Variants in KXD1 observed in about 807,000 individuals in gnomAD.
KXD1 encodes the protein KxDL motif containing 1, also known as kxDL motif-containing protein 1.
A neutral mutation model predicts 12.1 loss-of-function variants in KXD1; 5 were observed. That is an observed-to-expected ratio of 0.41 (90% CI 0.22 to 0.87). The LOEUF (loss-of-function observed/expected upper bound fraction) is 0.87, where lower values mean the gene tolerates loss of function less well. Among genes scored for constraint, KXD1 ranks in the 40% least tolerant of loss-of-function variants. The probability of loss-of-function intolerance (pLI) is 0.31; values close to 1 mark genes in which losing one functional copy is unlikely to be tolerated. For missense variants in KXD1, 193 were observed against 244.9 expected (o/e 0.79, Z 1.41); for synonymous variants, 98 against 100.5 (o/e 0.98, Z 0.15).
intron 2 of KXD1, 64 bp from the exon 3 acceptor site, chr19:18,564,805 T>C: frequency 6.3e-7 from 1 of 1,585,292 alleles, no homozygotes; most frequent in South Asian, 1.1e-5. Context: ...AACAGTCTTC[T>C]GGGCCAGGTT....
intron 1 of KXD1, chr19:18,560,520 C>G (rs1234141683): frequency 6.6e-6 from 1 of 152,206 alleles, no homozygotes; most frequent in Non-Finnish European, 1.5e-5. Context: ...ACCTCAGAAC[C>G]ATCTGGATTG....
Position 18,562,103 on chromosome 19 carries a change from T to C in KXD1, c.47T>C (p.Leu16Pro). ...TCGAGGGTCTTCTGCGGCCGCATCCTGAGCATGGTGAACACAGATGATGTC... is the reference window on the plus strand; with the variant it reads ...TCGAGGGTCTTCTGCGGCCGCATCCCGAGCATGGTGAACACAGATGATGTC... ...SASRVFCGRI[L>P]SMVNTDDVNA... Residue 16 changes from leucine (L) to proline (P), a missense_variant, in exon 2 of 5, where the codon CTG becomes CCG. Physicochemically the swap from Leu to Pro is moderately conservative, Grantham distance 98 (BLOSUM62 -3). Coordinates refer to ENST00000222307, the MANE Select transcript of KXD1 (RefSeq NM_024069.4). The C allele has an allele frequency of 6.2e-7, 1 of 1,613,684 alleles. No individual in the cohort carries two copies. The highest frequency in any genetic ancestry group is 8.5e-7 in the Non-Finnish European group (1 of 1,179,812).
At chr19:18,567,509 G>A (rs961285464) in intron 4 of KXD1, among the ~76,000 whole-genome samples, 25 of 152,172 alleles carry the variant, frequency 1.6e-4, no homozygotes, top group African/African-American at 5.3e-4. Flanking sequence ...ACATCGTCTC[G>A]CCTTCCCTGA....
intron 2 of KXD1, among the ~76,000 whole-genome samples, chr19:18,562,697 A>G (rs1190733110): frequency 2.0e-5 from 3 of 152,212 alleles, no homozygotes; most frequent in Non-Finnish European, 4.4e-5. Context: ...CCTGACCTCA[A>G]GTGATCCACC....
intron 4 of KXD1, among the ~76,000 whole-genome samples, chr19:18,568,127 C>T (rs1269490121): frequency 6.6e-6 from 1 of 151,974 alleles, no homozygotes; most frequent in Non-Finnish European, 1.5e-5. Context: ...ATTAGATGGG[C>T]GTGATGATGG....
chr19:18,568,181 C>T (rs1321713794), intron 4 of KXD1, among the ~76,000 whole-genome samples: 2 of 151,136 alleles, frequency 1.3e-5, no homozygotes, highest in East Asian at 1.9e-4. Flanking sequence ...GCAGAAGAAT[C>T]GCTTGAACCC....
chr19:18,567,058 G>A, intron 3 of KXD1, 74 bp from the exon 4 acceptor site: 1 of 1,428,342 alleles, frequency 7.0e-7, no homozygotes, highest in Non-Finnish European at 9.8e-7. Context: ...CTGGCAGCAG[G>A]GGCTTGTGGC....
In KXD1 at chr19:18,565,032, A is replaced by G; in HGVS notation, c.254+11A>G. 2 of 1,541,984 alleles carry G rather than the reference A, an allele frequency of 1.3e-6. No homozygotes were observed. Among genetic ancestry groups the G allele is most frequent in the Non-Finnish European group, 1.7e-6 (2 of 1,157,112 alleles). Reference sequence around the variant, plus strand: ...CTTCCGCCGTATCAGGTGGGTGCTCAGTGCCACCCCAGCCCAGCTGACCTC... The same window carrying G: ...CTTCCGCCGTATCAGGTGGGTGCTCGGTGCCACCCCAGCCCAGCTGACCTC... On this transcript the variant is annotated intron_variant, in intron 3 of 4. Coordinates refer to ENST00000222307, the MANE Select transcript of KXD1 (RefSeq NM_024069.4).
chr19:18,566,496 A>G (rs927580762), intron 3 of KXD1, among the ~76,000 whole-genome samples: 3 of 150,776 alleles, frequency 2.0e-5, no homozygotes, highest in Non-Finnish European at 4.4e-5. Context: ...ACACATAATG[A>G]AAAGGCAGGA....
At chr19:18,566,156 T>C (rs1372501634) in intron 3 of KXD1, among the ~76,000 whole-genome samples, 3 of 151,986 alleles carry the variant, frequency 2.0e-5, no homozygotes, top group Non-Finnish European at 2.9e-5. Flanking sequence ...TCTTAAAAAA[T>C]GTAACACAGT....
intron 3 of KXD1, 87 bp downstream of exon 3, chr19:18,565,108 A>C: frequency 6.4e-7 from 1 of 1,553,262 alleles, no homozygotes; most frequent in South Asian, 1.2e-5. Context: ...ACCAGGGTAA[A>C]GGGAGATTTC....
intron 3 of KXD1, among the ~76,000 whole-genome samples, chr19:18,565,574 C>T (rs1401178435): frequency 2.0e-5 from 3 of 151,964 alleles, no homozygotes; most frequent in African/African-American, 4.8e-5. Context: ...AGTGCAGTGG[C>T]GTGATCTTGG....
intron 2 of KXD1, among the ~76,000 whole-genome samples, chr19:18,563,131 T>C (rs944180637): frequency 6.7e-6 from 1 of 149,996 alleles, no homozygotes; most frequent in East Asian, 1.9e-4. Flanking sequence ...ACAATTCTTC[T>C]TCCAATGTGG....
Position 18,568,745 on chromosome 19 carries a change from C to CT in KXD1, c.*114_*115insT. The CT allele has an allele frequency of 1.3e-6, 1 of 767,156 alleles. No homozygotes were observed. The highest frequency in any genetic ancestry group is 2.1e-6 in the Non-Finnish European group (1 of 477,530). The allele number at this position is 767,156 out of a possible 1,614,324, so 47.5% of individuals were successfully genotyped here. A position where few individuals can be genotyped will look rare whatever the true frequency, so the allele number is the denominator to read the frequency against. On this transcript the variant is annotated 3_prime_UTR_variant, in exon 5 of 5. Coordinates refer to ENST00000222307, the MANE Select transcript of KXD1 (RefSeq NM_024069.4). ...TCCTTTGCTGCCCCGTTCTGTCACC[C>CT]AGGGCTCCTAGGGGGACAAGGCTCT... is the stretch of plus-strand genomic sequence containing the variant.
chr19:18,558,374 C>T (rs1262800382), intron 1 of KXD1: 2 of 152,072 alleles, frequency 1.3e-5, no homozygotes, highest in East Asian at 1.9e-4. Flanking sequence ...CAACGGAGCC[C>T]GCCCCTGTGA....
At chr19:18,567,358 G>C in intron 4 of KXD1, 180 bp downstream of exon 4, 1 of 662,906 alleles carries the variant, frequency 1.5e-6, no homozygotes, top group East Asian at 2.7e-5. Context: ...GCAGCTGGCA[G>C]AGTGGGCACT....
intron 1 of KXD1, chr19:18,559,900 GTC>G (rs150231233): frequency 0.2 from 30,651 of 150,402 alleles, 3,679 homozygotes; most frequent in East Asian, 0.42. Context: ...CTCTTTCTCT[GTC>G]TCTCTCTCTT....
chr19:18,568,324 G>T, intron 4 of KXD1, 78 bp from the exon 5 acceptor site: 4 of 1,067,072 alleles, frequency 3.7e-6, no homozygotes, highest in Non-Finnish European at 4.3e-6. Context: ...CAGCCGTTAG[G>T]GGTCACATGG....
chr19:18,568,908 G>A lies in KXD1; in HGVS notation c.*277G>A. ...CTGGAGTCGTGGGGCTGGGCACAGG[G>A]GAATTTTTCCAGAGCTGAGCCTGAC... On this transcript the variant is annotated 3_prime_UTR_variant, in exon 5 of 5. Coordinates refer to ENST00000222307, the MANE Select transcript of KXD1 (RefSeq NM_024069.4). The A allele has an allele frequency of 2.1e-6, 1 of 475,868 alleles. No individual in the cohort carries two copies. The highest frequency in any genetic ancestry group is 3.8e-6 in the Non-Finnish European group (1 of 263,618). The allele number at this position is 475,868 out of a possible 1,614,324, so 29.5% of individuals were successfully genotyped here.
Sources: gnomAD v4.1 joint callset for allele counts (sites outside exome capture counted in the v4.1 genomes callset) on GRCh38, gnomAD v4.1.1 for gene constraint, MANE v1.5 for transcripts, NCBI Gene and HGNC (gene_info 2026-07-23, HGNC 2026-07-21) for gene names.